MTMR8: variants seen among roughly 807,000 people sequenced by gnomAD.
MTMR8 encodes phosphatidylinositol-3,5-bisphosphate 3-phosphatase MTMR8.
A neutral mutation model predicts 39.3 loss-of-function variants in MTMR8; 65 were observed. That is an observed-to-expected ratio of 1.65 (90% CI 1.35 to 2.03). The LOEUF is 2.03. Among genes scored for constraint, MTMR8 ranks in the 30% most tolerant of loss-of-function variants. The probability of loss-of-function intolerance (pLI) is 0.00; values close to 1 mark genes in which losing one functional copy is unlikely to be tolerated. For missense variants in MTMR8, 777 were observed against 538.9 expected, an observed-to-expected ratio of 1.44 and a Z score of -4.37; for synonymous variants, 245 against 185.2, an observed-to-expected ratio of 1.32 and a Z score of -2.62.
chrX:64,371,656 C>A (rs1282119135), intron 1 of MTMR8, among the ~76,000 whole-genome samples: 2 of 111,145 alleles, frequency 1.8e-5, no homozygotes, highest in African/African-American at 6.5e-5. Flanking sequence ...GAACCAGTAT[C>A]TTTTGACCCA....
At position 64,395,320 on chromosome X, in the gene MTMR8, C is replaced by G. The variant is rs374480122; in HGVS notation, c.24+20G>C. 1.4e-4 allele frequency: 164 copies of G among 1,207,954 alleles called. No homozygotes were observed. Among genetic ancestry groups the G allele is most frequent in the Non-Finnish European group, 1.7e-4 (154 of 893,700 alleles). ...AGAGGAAGCTCGCGGCTGTCAGCCTCGCTTAACTCTTCTCCTTACCTTGGG... is the reference window on the plus strand; with the variant it reads ...AGAGGAAGCTCGCGGCTGTCAGCCTGGCTTAACTCTTCTCCTTACCTTGGG... On this transcript the variant is annotated intron_variant, in intron 1 of 13. Coordinates refer to ENST00000374852, the MANE Select transcript of MTMR8 (RefSeq NM_017677.4).
intron 1 of MTMR8, among the ~76,000 whole-genome samples, chrX:64,363,788 C>T (rs1233603059): frequency 2.7e-5 from 3 of 111,373 alleles, no homozygotes; most frequent in South Asian, 3.8e-4. Context: ...GGTGGGGCAT[C>T]GCCTAAACCA....
intron 1 of MTMR8, among the ~76,000 whole-genome samples, chrX:64,361,516 A>G: frequency 9.0e-6 from 1 of 111,565 alleles, no homozygotes; most frequent in Non-Finnish European, 1.9e-5. Context: ...ACAAGAAAGC[A>G]TGGGGAGTTC....
intron 12 of MTMR8, among the ~76,000 whole-genome samples, chrX:64,321,543 AAAAG>A (rs1277130083): frequency 1.3e-4 from 15 of 111,556 alleles, no homozygotes; most frequent in African/African-American, 4.6e-4. Context: ...CTGTGAGACA[AAAAG>A]AAAGAAAAAT....
chrX:64,285,678 A>G (rs1007957285), intron 12 of MTMR8, among the ~76,000 whole-genome samples: 1 of 112,159 alleles, frequency 8.9e-6, no homozygotes, highest in African/African-American at 3.2e-5. Context: ...AACTTACTCA[A>G]AACTGCTCAA....
At chrX:64,378,046 T>A (rs976576260) in intron 1 of MTMR8, among the ~76,000 whole-genome samples, 13 of 112,036 alleles carry the variant, frequency 1.2e-4, no homozygotes, top group Non-Finnish European at 1.9e-4. Context: ...CTGCCATGAC[T>A]GTAAATTTCC....
At chrX:64,347,369 A>T (rs1923372389) in intron 6 of MTMR8, among the ~76,000 whole-genome samples, 1 of 112,035 alleles carries the variant, frequency 8.9e-6, no homozygotes, top group Non-Finnish European at 1.9e-5. Flanking sequence ...TACAGACTCG[A>T]TTAAACTCTT....
chrX:64,269,089 A>G lies in MTMR8; in HGVS notation c.1609-46T>C, dbSNP rs1045683751. The G allele has an allele frequency of 2.0e-5, 23 of 1,148,103 alleles. No homozygotes were observed. The Admixed American group carries it at 3.3e-4, about 17-fold the overall frequency. The allele number at this position is 1,148,103 out of a possible 1,213,427, so 94.6% of individuals were successfully genotyped here. A position where few individuals can be genotyped will look rare whatever the true frequency, so the allele number is the denominator to read the frequency against. Reference sequence around the variant, plus strand: ...GGTTGAGAAGAATTAGAAACAGGAGAAAAACTAGGCAAACATTACCTTGAT... The same window carrying G: ...GGTTGAGAAGAATTAGAAACAGGAGGAAAACTAGGCAAACATTACCTTGAT... On this transcript the variant is annotated intron_variant, in intron 13 of 13. Transcript: ENST00000374852.
At chrX:64,372,440 C>T (rs1463576457) in intron 1 of MTMR8, among the ~76,000 whole-genome samples, 1 of 111,472 alleles carries the variant, frequency 9.0e-6, no homozygotes, top group Admixed American at 9.6e-5. Flanking sequence ...TACATACATA[C>T]ATACCACAAA....
chrX:64,384,660 G>A (rs1330590456), intron 1 of MTMR8, among the ~76,000 whole-genome samples: 1 of 112,448 alleles, frequency 8.9e-6, no homozygotes, highest in Non-Finnish European at 1.9e-5. Flanking sequence ...CTATATCTGG[G>A]CCCCTTTGTG....
At chrX:64,353,523 C>T (rs1184610381) in intron 4 of MTMR8, among the ~76,000 whole-genome samples, 1 of 112,082 alleles carries the variant, frequency 8.9e-6, no homozygotes, top group Non-Finnish European at 1.9e-5. Context: ...CAGAAAGATG[C>T]AAACCAAAAC....
At chrX:64,350,691 A>G (rs1409133620) in intron 4 of MTMR8, among the ~76,000 whole-genome samples, 1 of 111,237 alleles carries the variant, frequency 9.0e-6, no homozygotes, top group African/African-American at 3.3e-5. Flanking sequence ...TAGTGTTCAT[A>G]TCTGGACGGC....
chrX:64,362,325 A>C (rs1325077132), intron 1 of MTMR8, among the ~76,000 whole-genome samples: 1 of 107,315 alleles, frequency 9.3e-6, no homozygotes, highest in Non-Finnish European at 1.9e-5. Context: ...ATTTACATAG[A>C]AGAACAAAAC....
chrX:64,328,723 AGACCCTGG>A, intron 12 of MTMR8, 41 bp downstream of exon 12: 1 of 1,104,423 alleles, frequency 9.1e-7, no homozygotes, highest in Non-Finnish European at 1.2e-6. Context: ...AAGGAAGCTG[AGACCCTGG>A]GACCTGCTAT....
chrX:64,296,394 T>C (rs1239837162), intron 12 of MTMR8, among the ~76,000 whole-genome samples: 1 of 110,665 alleles, frequency 9.0e-6, no homozygotes, highest in Non-Finnish European at 1.9e-5. Flanking sequence ...TGGATAATGA[T>C]GGTAGATGCA....
At chrX:64,384,124 C>A (rs1255467519) in intron 1 of MTMR8, among the ~76,000 whole-genome samples, 2 of 111,959 alleles carry the variant, frequency 1.8e-5, no homozygotes, top group Non-Finnish European at 3.8e-5. Flanking sequence ...CAAAACCCAG[C>A]AGAGCAGTCA....
chrX:64,282,095 A>G (rs945874431), intron 12 of MTMR8, among the ~76,000 whole-genome samples: 33 of 111,266 alleles, frequency 3.0e-4, no homozygotes, highest in Non-Finnish European at 5.8e-4. Context: ...GCTGGGGAGA[A>G]ATAGGAACAC....
At chrX:64,318,167 C>G (rs186082757) in intron 12 of MTMR8, among the ~76,000 whole-genome samples, 1 of 112,218 alleles carries the variant, frequency 8.9e-6, no homozygotes, top group East Asian at 2.8e-4. Flanking sequence ...ACCTCAGGAA[C>G]AGAAGTGTCT....
At chrX:64,286,683 A>G (rs1306566745) in intron 12 of MTMR8, among the ~76,000 whole-genome samples, 1 of 112,089 alleles carries the variant, frequency 8.9e-6, no homozygotes, top group Non-Finnish European at 1.9e-5. Flanking sequence ...AACGTAATCT[A>G]GCATATAAAC....
Sources: gnomAD v4.1 joint callset for allele counts (sites outside exome capture counted in the v4.1 genomes callset) on GRCh38, gnomAD v4.1.1 for gene constraint, MANE v1.5 for transcripts, NCBI Gene and HGNC (gene_info 2026-07-23, HGNC 2026-07-21) for gene names.